The following CDH18 variants were observed in gnomAD, a reference collection of about 807,000 sequenced individuals.
CDH18 encodes the protein cadherin 18.
In CDH18, 31 loss-of-function variants were observed where a neutral mutation model predicts 67.9. That is an observed-to-expected ratio of 0.46 (90% confidence interval 0.34 to 0.62). The LOEUF (loss-of-function observed/expected upper bound fraction) is 0.62, where lower values mean the gene tolerates loss of function less well. Ranked by LOEUF, CDH18 falls within the 20% of genes least tolerant of loss-of-function variation. The probability of loss-of-function intolerance (pLI) is 0.01; values close to 1 mark genes in which losing one functional copy is unlikely to be tolerated. For synonymous variants in CDH18, 362 were observed against 347.2 expected (o/e 1.04, Z -0.48); for missense variants, 890 against 975.5 (o/e 0.91, Z 1.17).
At chr5:20,054,319 C>T (rs1458523006) in intron 2 of CDH18, among the ~76,000 whole-genome samples, 2 of 152,114 alleles carry the variant, frequency 1.3e-5, no homozygotes, top group Non-Finnish European at 2.9e-5. Context: ...ATAAAGGATT[C>T]AAGTGGTCAA....
At chr5:20,182,045 A>G (rs1393661880) in intron 2 of CDH18, among the ~76,000 whole-genome samples, 1 of 152,168 alleles carries the variant, frequency 6.6e-6, no homozygotes, top group Non-Finnish European at 1.5e-5. Flanking sequence ...TGGATTATCT[A>G]TCTTTACAAA....
At chr5:19,854,384 T>C (rs918997809) in intron 2 of CDH18, among the ~76,000 whole-genome samples, 2 of 152,180 alleles carry the variant, frequency 1.3e-5, no homozygotes, top group Non-Finnish European at 1.5e-5. Flanking sequence ...TTATATTTGA[T>C]GACTAATAAA....
intron 10 of CDH18, among the ~76,000 whole-genome samples, chr5:19,509,294 G>C (rs183135856): frequency 1.9e-4 from 29 of 152,182 alleles, no homozygotes; most frequent in Non-Finnish European, 3.5e-4. Flanking sequence ...CTCCAAAAGG[G>C]CAGAGAGTGG....
At position 20,555,408 on chromosome 5, in the gene CDH18, C is replaced by CTTTTTT. The variant is rs774396694; in HGVS notation, c.-580+20048_-580+20053dup. Reference sequence around the variant, plus strand: ...GCCAGAACCACCAAGACAAGCTTTTCTTTTTTTTTTTTTTTTTTTTTTTTT... The same window carrying CTTTTTT: ...GCCAGAACCACCAAGACAAGCTTTTCTTTTTTTTTTTTTTTTTTTTTTTTTTTTTTT... On this transcript the variant is annotated intron_variant, in intron 1 of 14. Transcript: ENST00000507958. 2.8e-3 allele frequency among the ~76,000 whole-genome samples: 294 copies of CTTTTTT among 103,592 alleles called. 7 individuals are homozygous for CTTTTTT. Among genetic ancestry groups the CTTTTTT allele is most frequent in the African/African-American group, 3.3e-3 (80 of 24,346 alleles). The allele number at this position is 103,592 out of a possible 152,430, so 68.0% of individuals were successfully genotyped here.
chr5:20,352,385 A>T (rs1741254109), intron 1 of CDH18, among the ~76,000 whole-genome samples: 1 of 151,994 alleles, frequency 6.6e-6, no homozygotes, highest in African/African-American at 2.4e-5. Context: ...CAAAAATTAT[A>T]CATAGATTTT....
intron 3 of CDH18, among the ~76,000 whole-genome samples, chr5:19,816,286 G>A (rs1470484336): frequency 6.6e-6 from 1 of 151,744 alleles, no homozygotes; most frequent in Non-Finnish European, 1.5e-5. Context: ...AATACTTGGA[G>A]ATAAACATAG....
intron 2 of CDH18, among the ~76,000 whole-genome samples, chr5:20,020,260 T>C (rs766701343): frequency 6.6e-6 from 1 of 152,178 alleles, no homozygotes; most frequent in African/African-American, 2.4e-5. Flanking sequence ...TCAGAAAATT[T>C]GCAGCCTGAC....
chr5:19,965,947 G>A (rs1465670685), intron 2 of CDH18, among the ~76,000 whole-genome samples: 2 of 152,054 alleles, frequency 1.3e-5, no homozygotes, highest in African/African-American at 2.4e-5. Context: ...CACACAATTT[G>A]CTTTTCTTTT....
intron 1 of CDH18, among the ~76,000 whole-genome samples, chr5:20,333,229 C>A (rs1037047403): frequency 6.6e-6 from 1 of 151,936 alleles, no homozygotes; most frequent in Admixed American, 6.6e-5. Context: ...TTTCATGTGG[C>A]CGGGCATGGT....
chr5:20,356,804 T>C (rs1275605707), intron 1 of CDH18, among the ~76,000 whole-genome samples: 1 of 149,270 alleles, frequency 6.7e-6, no homozygotes, highest in Non-Finnish European at 1.5e-5. Context: ...TATGTATGCG[T>C]ATATATGTAT....
intron 3 of CDH18, among the ~76,000 whole-genome samples, chr5:19,755,527 TGTTA>T (rs562414651): frequency 0.031 from 2,649 of 84,610 alleles, 84 homozygotes; most frequent in African/African-American, 0.068. Flanking sequence ...ATATATGCCC[TGTTA>T]GTTTTATATT....
At chr5:20,305,419 T>C in intron 1 of CDH18, 3 of 1,534,698 alleles carry the variant, frequency 2.0e-6, no homozygotes, top group Non-Finnish European at 2.7e-6. Context: ...CCAATTCCTA[T>C]CTGTCAGTTC....
chr5:19,960,529 T>A (rs1486112647), intron 2 of CDH18, among the ~76,000 whole-genome samples: 1 of 148,786 alleles, frequency 6.7e-6, no homozygotes, highest in East Asian at 2.0e-4. Flanking sequence ...AGGACCTGCC[T>A]GAGGATGTTT....
At chr5:20,366,444 TC>T (rs1742525103) in intron 1 of CDH18, among the ~76,000 whole-genome samples, 1 of 152,184 alleles carries the variant, frequency 6.6e-6, no homozygotes, top group Non-Finnish European at 1.5e-5. Flanking sequence ...AACCAATTTC[TC>T]CATAGTCACT....
At chr5:20,309,766 C>T (rs1339674654) in intron 1 of CDH18, among the ~76,000 whole-genome samples, 1 of 152,116 alleles carries the variant, frequency 6.6e-6, no homozygotes, top group East Asian at 1.9e-4. Context: ...AGCTGGGTAG[C>T]AAATGATTTT....
At chr5:19,634,720 CTG>C (rs1752882410) in intron 5 of CDH18, among the ~76,000 whole-genome samples, 1 of 151,828 alleles carries the variant, frequency 6.6e-6, no homozygotes, top group South Asian at 2.1e-4. Flanking sequence ...GGTGGATCAC[CTG>C]AGGTTGGGAG....
rs147207070 is a variant in CDH18 at position 20,223,550 on chromosome 5, T to C, written c.-518+31894A>G. Among the ~76,000 whole-genome samples, 1,000 of 152,106 alleles carry C rather than the reference T, an allele frequency of 6.6e-3. 3 individuals are homozygous for C. Among genetic ancestry groups the C allele is most frequent in the Non-Finnish European group, 0.011 (719 of 67,982 alleles). On this transcript the variant is annotated intron_variant, in intron 2 of 14. Coordinates refer to the CDH18 transcript ENST00000507958. ...GTTTTGAAATGTGAGGGCATGAAAT[T>C]TGGGAGGCGCCAGGGGGCAGAATTA...
At chr5:19,564,583 C>T (rs1223506640) in intron 8 of CDH18, among the ~76,000 whole-genome samples, 1 of 152,122 alleles carries the variant, frequency 6.6e-6, no homozygotes, top group Non-Finnish European at 1.5e-5. Flanking sequence ...CATTACTCAT[C>T]GTGGGCTTTT....
chr5:20,025,650 C>A (rs545583751), intron 2 of CDH18, among the ~76,000 whole-genome samples: 5 of 152,118 alleles, frequency 3.3e-5, no homozygotes, highest in Admixed American at 2.0e-4. Context: ...ATATGATTTT[C>A]TTTTTCTTTC....
Sources: gnomAD v4.1 joint callset for allele counts (sites outside exome capture counted in the v4.1 genomes callset) on GRCh38, gnomAD v4.1.1 for gene constraint, MANE v1.5 for transcripts, NCBI Gene and HGNC (gene_info 2026-07-23, HGNC 2026-07-21) for gene names.